Variants in SFMBT2 observed in about 807,000 individuals in gnomAD.
The protein encoded by SFMBT2 is scm-like with four MBT domains protein 2.
Under a neutral mutation model 110.1 loss-of-function variants are expected in SFMBT2, and 38 were observed. That is an observed-to-expected ratio of 0.35 (90% CI 0.27 to 0.45). SFMBT2 has a LOEUF of 0.45. Among genes scored for constraint, SFMBT2 ranks in the 20% least tolerant of loss-of-function variants. SFMBT2 has a pLI of 1.00. For missense variants in SFMBT2, 1,011 were observed against 1,094.9 expected (o/e 0.92, Z 1.08); for synonymous variants, 425 against 425.4 (o/e 1.00, Z 0.01).
chr10:7,363,065 G>A (rs541475302), intron 4 of SFMBT2, among the ~76,000 whole-genome samples: 1 of 152,288 alleles, frequency 6.6e-6, no homozygotes, highest in Non-Finnish European at 1.5e-5. Context: ...TGGTTTGGCA[G>A]TGTCCCCTCC....
At chr10:7,308,200 T>A (rs1324126697) in intron 4 of SFMBT2, among the ~76,000 whole-genome samples, 1 of 151,940 alleles carries the variant, frequency 6.6e-6, no homozygotes, top group African/African-American at 2.4e-5. Context: ...ATAAAAACAT[T>A]TTTTTTAAAT....
At position 7,162,524 on chromosome 10, in the gene SFMBT2, GCAGA is replaced by G. The variant is rs1331261802; in HGVS notation, c.*1242_*1245del. 1 of 152,214 alleles carries G rather than the reference GCAGA, an allele frequency of 6.6e-6. No homozygotes were observed. The highest frequency in any genetic ancestry group is 1.9e-4 in the East Asian group (1 of 5,186). 9.4% of individuals were successfully genotyped at this position (152,214 alleles called of 1,614,324 possible). ...CCTGGTTCATATGCTGCCAGCTAGG[GCAGA>G]ACGAGACAGAAGGGACGCTCAGAGG... On this transcript the variant is annotated 3_prime_UTR_variant, in exon 21 of 21. Coordinates refer to ENST00000397167, the MANE Select transcript of SFMBT2 (RefSeq NM_001387889.1).
At chr10:7,348,492 T>C (rs1045551836) in intron 4 of SFMBT2, among the ~76,000 whole-genome samples, 1 of 152,180 alleles carries the variant, frequency 6.6e-6, no homozygotes, top group Non-Finnish European at 1.5e-5. Flanking sequence ...ACAGCTCTGT[T>C]AGTTGAGAAG....
chr10:7,209,105 C>T lies in SFMBT2; in HGVS notation c.1331-3177G>A, dbSNP rs1839251540. Among the ~76,000 whole-genome samples the T allele has an allele frequency of 3.3e-5, 5 of 152,202 alleles. No homozygotes were observed. In the South Asian group the frequency reaches 1.0e-3, roughly 31 times the overall value. ...GTACCAAGTTCTTCATTTCCCTTTA[C>T]CAAGCTTATGAGTCTACATTTATCT... On this transcript the variant is annotated intron_variant, in intron 11 of 20. Transcript: ENST00000397167.
intron 4 of SFMBT2, among the ~76,000 whole-genome samples, chr10:7,333,023 C>T (rs956524053): frequency 4.6e-5 from 7 of 152,072 alleles, no homozygotes; most frequent in Admixed American, 4.6e-4. Flanking sequence ...CACACCACCA[C>T]GCCCAGCTAA....
intron 7 of SFMBT2, among the ~76,000 whole-genome samples, chr10:7,258,037 T>A (rs1177715677): frequency 1.3e-5 from 2 of 152,164 alleles, no homozygotes; most frequent in African/African-American, 4.8e-5. Context: ...GCTCCAGCAA[T>A]ACTTCCACCT....
chr10:7,396,305 T>C (rs1365943683), intron 1 of SFMBT2, among the ~76,000 whole-genome samples: 2 of 152,224 alleles, frequency 1.3e-5, no homozygotes, highest in East Asian at 3.8e-4. Flanking sequence ...GGTTGTTATG[T>C]ATAGAGATCT....
chr10:7,334,703 G>A (rs944453369), intron 4 of SFMBT2, among the ~76,000 whole-genome samples: 1 of 152,000 alleles, frequency 6.6e-6, no homozygotes, highest in Non-Finnish European at 1.5e-5. Flanking sequence ...ACGCAGACCC[G>A]GCCCAGTGTC....
chr10:7,396,307 T>C (rs1371409532), intron 1 of SFMBT2, among the ~76,000 whole-genome samples: 3 of 152,210 alleles, frequency 2.0e-5, no homozygotes, highest in Non-Finnish European at 2.9e-5. Flanking sequence ...TTGTTATGTA[T>C]AGAGATCTGC....
chr10:7,309,414 C>A (rs191749841), intron 4 of SFMBT2, among the ~76,000 whole-genome samples: 5 of 152,192 alleles, frequency 3.3e-5, no homozygotes, highest in Non-Finnish European at 5.9e-5. Context: ...GATTCTCACC[C>A]GTGAAAAGTG....
chr10:7,315,062 A>AAGAAAGAAAGAAAGAAAGAAAGAG (rs1842963473), intron 4 of SFMBT2, among the ~76,000 whole-genome samples: 2 of 139,870 alleles, frequency 1.4e-5, no homozygotes, highest in Admixed American at 7.2e-5. Context: ...GAAAGAAAGA[A>AAGAAAGAAAGAAAGAAAGAAAGAG]AGAAAGAAAG....
At chr10:7,223,702 C>G (rs1319979365) in intron 10 of SFMBT2, among the ~76,000 whole-genome samples, 1 of 152,126 alleles carries the variant, frequency 6.6e-6, no homozygotes, top group Non-Finnish European at 1.5e-5. Flanking sequence ...CTGGGACTTC[C>G]TATCTTTTCA....
chr10:7,246,342 G>A (rs1196467739), intron 8 of SFMBT2, among the ~76,000 whole-genome samples: 1 of 152,120 alleles, frequency 6.6e-6, no homozygotes, highest in Non-Finnish European at 1.5e-5. Context: ...AGAGATTTGG[G>A]CTGAAATTAA....
At chr10:7,318,895 G>A (rs1055022580) in intron 4 of SFMBT2, among the ~76,000 whole-genome samples, 1 of 152,224 alleles carries the variant, frequency 6.6e-6, no homozygotes, top group East Asian at 1.9e-4. Flanking sequence ...TAAAGGAATT[G>A]AGAGTAAACC....
In SFMBT2 at chr10:7,391,784, TTTG is replaced by T. The variant is rs566253415; in HGVS notation, c.-51-9838_-51-9836del. On this transcript the variant is annotated intron_variant, in intron 1 of 20. Transcript: ENST00000397167. ...TCCTCCTGATAGTTTCTCTGTGGAT[TTTG>T]TTGTTGTTGTTTAGTTCACAGAGAA... Among the ~76,000 whole-genome samples the T allele has an allele frequency of 1.2e-3, 187 of 152,290 alleles. 2 individuals are homozygous for T. Among genetic ancestry groups the T allele is most frequent in the Middle Eastern group, 3.4e-3 (1 of 294 alleles).
intron 1 of SFMBT2, among the ~76,000 whole-genome samples, chr10:7,385,290 AAG>A (rs1845561192): frequency 6.6e-6 from 1 of 152,166 alleles, no homozygotes; most frequent in South Asian, 2.1e-4. Flanking sequence ...GTCACTGAGG[AAG>A]AGAGACAGCA....
At chr10:7,198,913 C>A (rs549956671) in intron 14 of SFMBT2, among the ~76,000 whole-genome samples, 1 of 152,026 alleles carries the variant, frequency 6.6e-6, no homozygotes, top group Admixed American at 6.6e-5. Context: ...TGGTAGCATG[C>A]GCCTGTAATC....
chr10:7,318,742 G>A (rs1212505257), intron 4 of SFMBT2, among the ~76,000 whole-genome samples: 7 of 152,254 alleles, frequency 4.6e-5, no homozygotes, highest in Non-Finnish European at 1.5e-5. Flanking sequence ...TCTGGGCTAG[G>A]ACAGACGAAT....
chr10:7,175,900 A>C (rs577022313), intron 17 of SFMBT2, 90 bp downstream of exon 17: 2 of 1,263,424 alleles, frequency 1.6e-6, no homozygotes. Context: ...GTTCAAAAAG[A>C]AAAAAGCAAA....
Sources: allele counts gnomAD v4.1 joint callset (sites outside exome capture counted in the v4.1 genomes callset), GRCh38; gene constraint gnomAD v4.1.1; transcripts MANE v1.5; gene names NCBI Gene and HGNC (gene_info 2026-07-23, HGNC 2026-07-21).